Variants in SLC7A14 observed in about 807,000 individuals in gnomAD.
SLC7A14 encodes solute carrier family 7 member 14.
Under a neutral mutation model 60.2 loss-of-function variants are expected in SLC7A14, and 37 were observed. The observed-to-expected ratio is 0.61, with a 90% CI of 0.47 to 0.81. The LOEUF is 0.81. SLC7A14 is among the 30% of genes least tolerant of loss of function. The pLI is 0.00. For synonymous variants in SLC7A14, 399 were observed against 395.8 expected (o/e 1.01, Z -0.10); for missense variants, 886 against 982.7 (o/e 0.90, Z 1.32).
rs139961644 is a variant in SLC7A14, at chr3:170,478,919, C to T, written c.1993+1370G>A. Among the ~76,000 whole-genome samples, 1,248 of 151,978 alleles carry T rather than the reference C, an allele frequency of 8.2e-3. 25 individuals are homozygous for T. The highest frequency in any genetic ancestry group is 0.028 in the African/African-American group (1,178 of 41,448). On this transcript the variant is annotated intron_variant, in intron 7 of 7. Transcript: ENST00000231706. The stretch of plus-strand genomic sequence containing the variant: ...TGGGCAGATCATGAGGTTGAGAGTT[C>T]GAGAACAGCCTGGCCAACATGGTGA...
At chr3:170,473,695 A>AT (rs1221871266) in intron 7 of SLC7A14, among the ~76,000 whole-genome samples, 3 of 151,878 alleles carry the variant, frequency 2.0e-5, no homozygotes, top group African/African-American at 7.3e-5. Flanking sequence ...ATTGCTGATT[A>AT]TTTTTTAAAA....
intron 1 of SLC7A14, among the ~76,000 whole-genome samples, chr3:170,527,829 G>A (rs193258544): frequency 6.6e-6 from 1 of 152,254 alleles, no homozygotes; most frequent in Admixed American, 6.5e-5. Context: ...TGGTGATGAT[G>A]ATCTGAGCCT....
Position 170,480,686 on chromosome 3 carries a change from C to T in SLC7A14, c.1596G>A (p.Lys532=). ...AATGAGGCCCAATCAGCTTCTTTAA[C>T]TTGATGAGATAAATATTTTCGGATT... ...ADESENIYLI[K]LKKLIGPHYY... The change falls in exon 7 of 8, where the codon AAG becomes AAA. Residue 532 remains lysine, a synonymous_variant. Coordinates refer to ENST00000231706, the MANE Select transcript of SLC7A14 (RefSeq NM_020949.3). The T allele has an allele frequency of 6.2e-7, 1 of 1,614,254 alleles. No homozygotes were observed. The highest frequency in any genetic ancestry group is 8.5e-7 in the Non-Finnish European group (1 of 1,180,046).
In SLC7A14 at chr3:170,511,408, G is replaced by GA. The variant is rs201786258; in HGVS notation, c.305-10064dup. On this transcript the variant is annotated intron_variant, in intron 2 of 7. Coordinates refer to ENST00000231706, the MANE Select transcript of SLC7A14 (RefSeq NM_020949.3). ...GCGAAACTCCGTCTTAAAAAAAAAA[G>GA]AAAAAAAAGGACAAATAAAATTATT... Among the ~76,000 whole-genome samples the GA allele has an allele frequency of 4.6e-5, 7 of 151,372 alleles. No individual in the cohort carries two copies. The East Asian group carries it at 9.7e-4, about 21-fold the overall frequency.
chr3:170,548,996 C>T (rs1714257937), intron 1 of SLC7A14, among the ~76,000 whole-genome samples: 2 of 152,128 alleles, frequency 1.3e-5, no homozygotes, highest in Non-Finnish European at 1.5e-5. Context: ...TCAGGATCTG[C>T]TGGTAAGTAG....
rs1480027931 is a variant in SLC7A14 at position 170,467,082 on chromosome 3, AT to A, written c.2288del (p.Asn763MetfsTer4). 6.2e-7 allele frequency: 1 copy of A among 1,612,664 alleles called. No individual in the cohort carries two copies. Among genetic ancestry groups the A allele is most frequent in the African/African-American group, 1.3e-5 (1 of 74,918 alleles). Reference protein sequence around the residue: ...HKQNSEALIANDELDYSPE With the variant: ...HKQNSEALIAXDELDYSPE ...ACTCTGGAGAGTAATCTAACTCATC[AT>A]TTGCAATCAGGGCCTCTGAGTTCTG... On this transcript the variant is annotated frameshift_variant, in exon 8 of 8. Transcript: ENST00000231706. LOFTEE classifies it high-confidence loss of function.
chr3:170,523,467 CT>C (rs1424615857), intron 2 of SLC7A14, among the ~76,000 whole-genome samples: 1 of 152,178 alleles, frequency 6.6e-6, no homozygotes, highest in Admixed American at 6.5e-5. Context: ...TTGTGTTTCA[CT>C]TCCCTTCTTA....
At chr3:170,497,137 C>T (rs1048005096) in intron 4 of SLC7A14, among the ~76,000 whole-genome samples, 8 of 143,488 alleles carry the variant, frequency 5.6e-5, no homozygotes, top group African/African-American at 1.8e-4. Flanking sequence ...AAAGAAAATG[C>T]AACTGAGTTC....
chr3:170,525,677 A>G (rs1237892653), intron 2 of SLC7A14, among the ~76,000 whole-genome samples: 1 of 152,226 alleles, frequency 6.6e-6, no homozygotes, highest in Non-Finnish European at 1.5e-5. Context: ...GGTGTAAAGG[A>G]GAGTTAAAAT....
intron 4 of SLC7A14, among the ~76,000 whole-genome samples, chr3:170,494,832 T>C (rs901918974): frequency 6.6e-6 from 1 of 152,200 alleles, no homozygotes; most frequent in Non-Finnish European, 1.5e-5. Flanking sequence ...AAGTATAACA[T>C]TTTAGATTTA....
chr3:170,544,144 A>G (rs1326772555), intron 1 of SLC7A14, among the ~76,000 whole-genome samples: 2 of 152,110 alleles, frequency 1.3e-5, no homozygotes, highest in African/African-American at 4.8e-5. Context: ...ATTGCCTGTC[A>G]TAGGTGAGAG....
intron 1 of SLC7A14, among the ~76,000 whole-genome samples, chr3:170,564,778 G>A (rs1714749191): frequency 6.6e-6 from 1 of 152,216 alleles, no homozygotes; most frequent in East Asian, 1.9e-4. Context: ...TTAAAACGCA[G>A]TGTTGTCAGT....
At position 170,503,658 on chromosome 3, in the gene SLC7A14, T is replaced by G. The variant is rs538025333; in HGVS notation, c.305-2313A>C. ...TATAAGTAAAATCTTTTCCAAATGA[T>G]GCTTTTGAAGCAGGCATCGATTTGA... On this transcript the variant is annotated intron_variant, in intron 2 of 7. Coordinates refer to ENST00000231706, the MANE Select transcript of SLC7A14 (RefSeq NM_020949.3). Among the ~76,000 whole-genome samples the G allele has an allele frequency of 4.6e-5, 7 of 152,368 alleles. No homozygotes were observed. In the South Asian group the frequency reaches 1.4e-3, roughly 32 times the overall value.
chr3:170,493,687 A>C (rs1190256835), intron 4 of SLC7A14, among the ~76,000 whole-genome samples: 1 of 152,244 alleles, frequency 6.6e-6, no homozygotes, highest in Non-Finnish European at 1.5e-5. Flanking sequence ...AGGCAGTGTC[A>C]GACCTTAAAA....
intron 1 of SLC7A14, among the ~76,000 whole-genome samples, chr3:170,563,417 G>GTT (rs67991294): frequency 7.1e-5 from 8 of 111,896 alleles, no homozygotes; most frequent in Non-Finnish European, 9.3e-5. Context: ...TTGTTTGTTT[G>GTT]TTTTTTTTTT....
At chr3:170,489,667 A>G (rs1310495704) in intron 4 of SLC7A14, among the ~76,000 whole-genome samples, 2 of 152,260 alleles carry the variant, frequency 1.3e-5, no homozygotes, top group Non-Finnish European at 2.9e-5. Context: ...TGTTTACAAT[A>G]GCTAAGATTT....
Position 170,483,455 on chromosome 3 carries a change from A to G in SLC7A14, c.974T>C (p.Met325Thr). The change falls in exon 6 of 8, where the codon ATG (methionine) becomes ACG (threonine). Residue 325 changes from methionine to threonine, a missense_variant. Physicochemically the swap from Met to Thr is moderately conservative, Grantham distance 81 (BLOSUM62 -1). Transcript: ENST00000231706. ...TIDTESPLME[M>T]FVAHGFYAAK... ...AGCATAGAACCCATGAGCCACAAAC[A>G]TCTCCATGAGTGGGGATTCCGTGTC... 1 of 1,614,194 alleles carries G rather than the reference A, an allele frequency of 6.2e-7. No homozygotes were observed. The highest frequency in any genetic ancestry group is 8.5e-7 in the Non-Finnish European group (1 of 1,180,036).
At chr3:170,500,483 T>C (rs1158091825) in intron 3 of SLC7A14, among the ~76,000 whole-genome samples, 2 of 147,046 alleles carry the variant, frequency 1.4e-5, no homozygotes, top group South Asian at 4.3e-4. Context: ...TGGCAAATGA[T>C]GGATGGAGCC....
intron 2 of SLC7A14, among the ~76,000 whole-genome samples, chr3:170,503,699 G>A (rs1232157235): frequency 6.6e-6 from 1 of 152,148 alleles, no homozygotes; most frequent in African/African-American, 2.4e-5. Context: ...AATTTAATTT[G>A]GAGAGCCAAT....
Sources: gnomAD v4.1 joint callset for allele counts (sites outside exome capture counted in the v4.1 genomes callset) on GRCh38, gnomAD v4.1.1 for gene constraint, MANE v1.5 for transcripts, NCBI Gene and HGNC (gene_info 2026-07-23, HGNC 2026-07-21) for gene names.